Variants in CFHR5 observed in about 807,000 individuals in gnomAD.
CFHR5 encodes the protein complement factor H-related protein 5.
Under a neutral mutation model 62.9 loss-of-function variants are expected in CFHR5, and 73 were observed. The ratio of observed to expected loss-of-function variants is 1.16; its 90% CI spans 0.96 to 1.41. The LOEUF is 1.41. Ranked by LOEUF, CFHR5 falls within the 40% of genes most tolerant of loss-of-function variation. The pLI is 0.00. For synonymous variants in CFHR5, 249 were observed against 227.2 expected, an observed-to-expected ratio of 1.10 and a Z score of -0.86; for missense variants, 779 against 679.9, an observed-to-expected ratio of 1.15 and a Z score of -1.62.
intron 1 of CFHR5, 104 bp from the exon 2 acceptor site, chr1:196,982,781 C>G (rs1476407137): frequency 9.5e-7 from 1 of 1,053,614 alleles, no homozygotes. Flanking sequence ...GGCATTTAAG[C>G]TGAATGAAAA....
chr1:196,983,191 G>GA, intron 2 of CFHR5, 112 bp downstream of exon 2: 1 of 1,397,684 alleles, frequency 7.2e-7, no homozygotes, highest in Non-Finnish European at 1.0e-6. Context: ...AGAGGAGCTG[G>GA]AAAAATGGGA....
chr1:197,005,164 C>G (rs925815079), intron 9 of CFHR5, among the ~76,000 whole-genome samples: 1 of 152,154 alleles, frequency 6.6e-6, no homozygotes, highest in African/African-American at 2.4e-5. Flanking sequence ...CTGAGAACTT[C>G]TCACAGAGAC....
rs903888691 is a variant in CFHR5 at position 197,009,020 on chromosome 1, A to T, written c.*337A>T. 1 of 231,412 alleles carries T rather than the reference A, an allele frequency of 4.3e-6. No homozygotes were observed. The highest frequency in any genetic ancestry group is 8.7e-6 in the Non-Finnish European group (1 of 115,144). 14.3% of individuals were successfully genotyped at this position (231,412 alleles called of 1,614,324 possible). On this transcript the variant is annotated 3_prime_UTR_variant, in exon 10 of 10. Coordinates refer to ENST00000256785, the MANE Select transcript of CFHR5 (RefSeq NM_030787.4). ...CTGGTGAGGGTCTTCTCGAAGCATC[A>T]TAATATGCTGGAAGGCATCACAACA... is the stretch of plus-strand genomic sequence containing the variant.
intron 3 of CFHR5, among the ~76,000 whole-genome samples, chr1:196,991,308 A>G (rs940727470): frequency 3.3e-5 from 5 of 152,090 alleles, no homozygotes; most frequent in African/African-American, 1.2e-4. Context: ...ATGGGTTCAA[A>G]CATCCTCCTT....
chr1:197,000,813 C>G (rs1322739668), intron 7 of CFHR5, among the ~76,000 whole-genome samples: 1 of 152,014 alleles, frequency 6.6e-6, no homozygotes, highest in Non-Finnish European at 1.5e-5. Flanking sequence ...TCATAAACAA[C>G]AAAAATGTTT....
intron 3 of CFHR5, among the ~76,000 whole-genome samples, chr1:196,991,691 G>A (rs973276692): frequency 8.5e-5 from 13 of 152,186 alleles, no homozygotes; most frequent in African/African-American, 2.7e-4. Context: ...GGTATCACCA[G>A]CAGAGGCTGC....
At chr1:196,991,089 T>C (rs1653836289) in intron 3 of CFHR5, among the ~76,000 whole-genome samples, 1 of 152,102 alleles carries the variant, frequency 6.6e-6, no homozygotes, top group South Asian at 2.1e-4. Context: ...CTCTAAACTT[T>C]CTTCTCTCTT....
chr1:197,001,457 G>A (rs1474391622), intron 7 of CFHR5, among the ~76,000 whole-genome samples: 3 of 151,776 alleles, frequency 2.0e-5, no homozygotes, highest in Admixed American at 6.6e-5. Flanking sequence ...GAGTAGATAT[G>A]CACTCTTCTG....
At chr1:196,975,622 G>GA (rs1310471767), upstream of CFHR5, among the ~76,000 whole-genome samples, 4 of 152,148 alleles carry the variant, frequency 2.6e-5, no homozygotes, top group African/African-American at 7.2e-5. Flanking sequence ...ATATCTAGAT[G>GA]AAAAAATAAA....
At chr1:197,007,441 C>T (rs570762799) in intron 9 of CFHR5, among the ~76,000 whole-genome samples, 1 of 151,880 alleles carries the variant, frequency 6.6e-6, no homozygotes, top group South Asian at 2.1e-4. Flanking sequence ...TGAAAGAATG[C>T]TTGTCTACAC....
chr1:196,983,177 G>A (rs2125026877), intron 2 of CFHR5, 98 bp downstream of exon 2: 1 of 1,524,942 alleles, frequency 6.6e-7, no homozygotes, highest in Middle Eastern at 1.7e-4. Context: ...CAAGGGCAAT[G>A]ACCAGAGGAG....
At chr1:196,992,810 C>A (rs2125032759) in intron 3 of CFHR5, among the ~76,000 whole-genome samples, 1 of 152,262 alleles carries the variant, frequency 6.6e-6, no homozygotes, top group South Asian at 2.1e-4. Flanking sequence ...TGAATTAAGA[C>A]ACATTCTCTT....
At chr1:196,986,929 T>C (rs550966009) in intron 3 of CFHR5, among the ~76,000 whole-genome samples, 5 of 152,310 alleles carry the variant, frequency 3.3e-5, no homozygotes, top group Non-Finnish European at 7.4e-5. Context: ...TTCTAGATCC[T>C]TGAGGAATTG....
intron 1 of CFHR5, 105 bp from the exon 2 acceptor site, chr1:196,982,780 G>A (rs2125026545): frequency 9.6e-7 from 1 of 1,036,650 alleles, no homozygotes; most frequent in South Asian, 1.3e-5. Context: ...AGGCATTTAA[G>A]CTGAATGAAA....
chr1:196,978,790 C>A, intron 1 of CFHR5, among the ~76,000 whole-genome samples: 1 of 152,088 alleles, frequency 6.6e-6, no homozygotes, highest in Admixed American at 6.5e-5. Context: ...GCTTAAACAT[C>A]TGTTACAAAT....
At chr1:196,997,578 A>C (rs1414976882) in intron 6 of CFHR5, among the ~76,000 whole-genome samples, 1 of 152,044 alleles carries the variant, frequency 6.6e-6, no homozygotes, top group East Asian at 1.9e-4. Flanking sequence ...TTATGTTCTG[A>C]AGCTCAGTTG....
intron 2 of CFHR5, among the ~76,000 whole-genome samples, chr1:196,983,421 T>C (rs1571512528): frequency 1.3e-5 from 2 of 152,240 alleles, no homozygotes; most frequent in South Asian, 2.1e-4. Context: ...TATATAGATA[T>C]TCTGTTTTGA....
At chr1:197,007,944 A>C (rs947810133) in intron 9 of CFHR5, among the ~76,000 whole-genome samples, 7 of 147,668 alleles carry the variant, frequency 4.7e-5, no homozygotes, top group Non-Finnish European at 8.9e-5. Flanking sequence ...ATATAAATGT[A>C]TGTTATATAT....
chr1:197,001,394 A>T (rs867915953), intron 7 of CFHR5, among the ~76,000 whole-genome samples: 1 of 152,104 alleles, frequency 6.6e-6, no homozygotes, highest in Non-Finnish European at 1.5e-5. Flanking sequence ...ATAATTTATT[A>T]AAGATCTGTT....
Sources: gnomAD v4.1 joint callset for allele counts (sites outside exome capture counted in the v4.1 genomes callset) on GRCh38, gnomAD v4.1.1 for gene constraint, MANE v1.5 for transcripts, NCBI Gene and HGNC (gene_info 2026-07-23, HGNC 2026-07-21) for gene names.